Variants in ELAC1 observed in about 807,000 individuals in gnomAD.
ELAC1 encodes elaC ribonuclease Z 1.
A neutral mutation model predicts 25.8 loss-of-function variants in ELAC1; 19 were observed. The ratio of observed to expected loss-of-function variants is 0.74; its 90% CI spans 0.51 to 1.08. ELAC1 has a LOEUF of 1.08. Among genes scored for constraint, ELAC1 ranks in the 50% least tolerant of loss-of-function variants. ELAC1 has a pLI of 0.00. For synonymous variants in ELAC1, 148 were observed against 160.9 expected (o/e 0.92, Z 0.61); for missense variants, 403 against 434.6 (o/e 0.93, Z 0.65).
chr18:50,982,481 G>GCAT (rs1907978595), intron 2 of ELAC1, among the ~76,000 whole-genome samples: 2 of 152,132 alleles, frequency 1.3e-5, no homozygotes, highest in Non-Finnish European at 2.9e-5. Context: ...TACTTTTATA[G>GCAT]CATCAAACGT....
At chr18:50,974,309 C>G in intron 1 of ELAC1, 88 bp from the exon 2 acceptor site, 3 of 1,265,994 alleles carry the variant, frequency 2.4e-6, no homozygotes, top group Non-Finnish European at 2.1e-6. Context: ...TCTAAATAAC[C>G]AAAAAGTAAT....
intron 2 of ELAC1, among the ~76,000 whole-genome samples, chr18:50,975,741 G>T (rs1907783470): frequency 6.6e-6 from 1 of 152,016 alleles, no homozygotes; most frequent in Non-Finnish European, 1.5e-5. Context: ...GGGATCTCTT[G>T]GTCCAGTGAT....
chr18:50,971,268 G>A (rs1351597773), intron 1 of ELAC1, among the ~76,000 whole-genome samples: 2 of 152,106 alleles, frequency 1.3e-5, no homozygotes, highest in Admixed American at 6.5e-5. Context: ...AAGCCTAATC[G>A]CAATTCATAA....
chr18:50,980,389 CAAAAT>C (rs1180712911), intron 2 of ELAC1, among the ~76,000 whole-genome samples: 1 of 151,840 alleles, frequency 6.6e-6, no homozygotes, highest in Non-Finnish European at 1.5e-5. Flanking sequence ...AAACCCAAAA[CAAAAT>C]AAAAGAAAAC....
intron 2 of ELAC1, among the ~76,000 whole-genome samples, chr18:50,976,151 C>A (rs1225141444): frequency 6.6e-6 from 1 of 152,118 alleles, no homozygotes; most frequent in Non-Finnish European, 1.5e-5. Flanking sequence ...GAAAAAGGAA[C>A]CATTCATGTT....
intron 2 of ELAC1, among the ~76,000 whole-genome samples, 162 bp from the exon 3 acceptor site, chr18:50,983,934 C>T (rs1482712120): frequency 5.3e-5 from 8 of 151,848 alleles, no homozygotes; most frequent in African/African-American, 1.9e-4. Context: ...TTTTTGGAAT[C>T]ATGTAGCAAA....
Position 50,974,497 on chromosome 18 carries a change from G to C in ELAC1, c.93G>C (p.Glu31Asp). 6.2e-7 allele frequency: 1 copy of C among 1,612,700 alleles called. No individual in the cohort carries two copies. The highest frequency in any genetic ancestry group is 1.1e-5 in the South Asian group (1 of 90,948). Reference protein sequence around the residue: ...ASAVVLRCEGECWLFDCGEGT... With the variant: ...ASAVVLRCEGDCWLFDCGEGT... ...CTGTGGTCCTTCGGTGTGAAGGCGAGTGCTGGCTCTTTGACTGTGGGGAGG... is the reference window on the plus strand; with the variant it reads ...CTGTGGTCCTTCGGTGTGAAGGCGACTGCTGGCTCTTTGACTGTGGGGAGG... Residue 31 changes from glutamate to aspartate, a missense_variant, in exon 2 of 4, where the codon GAG becomes GAC. Transcript: ENST00000269466.
chr18:50,980,499 T>C (rs760389939), intron 2 of ELAC1, among the ~76,000 whole-genome samples: 1 of 152,018 alleles, frequency 6.6e-6, no homozygotes, highest in Non-Finnish European at 1.5e-5. Context: ...GCATGGTGGC[T>C]CATGCCTGTA....
In ELAC1 at chr18:50,984,482, C is replaced by G. The variant is rs1204628452; in HGVS notation, c.544C>G (p.His182Asp). The G allele has an allele frequency of 6.2e-7, 1 of 1,614,216 alleles. No homozygotes were observed. Among genetic ancestry groups the G allele is most frequent in the East Asian group, 2.2e-5 (1 of 44,890 alleles). Residue 182 changes from histidine to aspartate, a missense_variant, in exon 3 of 4, where the codon CAC becomes GAC. Physicochemically the swap from His to Asp is moderately conservative, Grantham distance 81. Coordinates refer to ENST00000269466, the MANE Select transcript of ELAC1 (RefSeq NM_018696.3). The part of the protein sequence containing the change: ...QFVVKAFRLF[H>D]RIPSFGFSVV... Reference sequence around the variant, plus strand: ...TGTTGTAAAAGCATTTCGCCTCTTTCACAGAATTCCCTCATTTGGGTTTTC... The same window carrying G: ...TGTTGTAAAAGCATTTCGCCTCTTTGACAGAATTCCCTCATTTGGGTTTTC...
chr18:50,974,817 C>T (rs942987254), intron 2 of ELAC1, among the ~76,000 whole-genome samples: 4 of 152,212 alleles, frequency 2.6e-5, no homozygotes, highest in South Asian at 2.1e-4. Flanking sequence ...TGGGAAATGT[C>T]GTGGGATACA....
At chr18:50,979,403 T>A (rs1009830189) in intron 2 of ELAC1, among the ~76,000 whole-genome samples, 5 of 152,180 alleles carry the variant, frequency 3.3e-5, no homozygotes, top group African/African-American at 9.7e-5. Context: ...GGCAGAACCC[T>A]TACAGTGGTA....
intron 1 of ELAC1, among the ~76,000 whole-genome samples, chr18:50,972,673 G>T (rs1298892656): frequency 6.6e-6 from 1 of 152,136 alleles, no homozygotes; most frequent in African/African-American, 2.4e-5. Context: ...AGTAGAGACA[G>T]GGTTTCACCA....
chr18:50,977,358 G>A (rs1260148578), intron 2 of ELAC1, among the ~76,000 whole-genome samples: 1 of 152,214 alleles, frequency 6.6e-6, no homozygotes, highest in Admixed American at 6.5e-5. Flanking sequence ...TGAAATCTAG[G>A]TGGAGGTTCC....
chr18:50,976,222 G>A (rs1456321344), intron 2 of ELAC1, among the ~76,000 whole-genome samples: 1 of 152,198 alleles, frequency 6.6e-6, no homozygotes, highest in Non-Finnish European at 1.5e-5. Context: ...GATGGCACAT[G>A]TATTGGGAGA....
At chr18:50,977,492 C>A (rs771133546) in intron 2 of ELAC1, among the ~76,000 whole-genome samples, 3 of 152,228 alleles carry the variant, frequency 2.0e-5, no homozygotes, top group Non-Finnish European at 2.9e-5. Context: ...TTAAGCCACA[C>A]TGGGATGCAG....
chr18:50,972,288 A>G (rs1294011740), intron 1 of ELAC1, among the ~76,000 whole-genome samples: 15 of 152,170 alleles, frequency 9.9e-5, no homozygotes, highest in Admixed American at 9.8e-4. Flanking sequence ...TATACAATGC[A>G]AAGTGAGCAT....
rs1908160478 is a variant in ELAC1, at chr18:50,988,063, T to C, written c.*978T>C. 1 of 152,202 alleles carries C rather than the reference T, an allele frequency of 6.6e-6. No homozygotes were observed. Among genetic ancestry groups the C allele is most frequent in the South Asian group, 2.1e-4 (1 of 4,836 alleles). 9.4% of individuals were successfully genotyped at this position (152,202 alleles called of 1,614,324 possible). ...TGAACCTGGAGGTAAAAAATGCTTA[T>C]CTGTTAAACTGAGGTTTCATTGACG... On this transcript the variant is annotated 3_prime_UTR_variant, in exon 4 of 4. Coordinates refer to ENST00000269466, the MANE Select transcript of ELAC1 (RefSeq NM_018696.3).
At position 50,986,957 on chromosome 18, in the gene ELAC1, G is replaced by T. The variant is rs779499222; in HGVS notation, c.964G>T (p.Ala322Ser). The change falls in exon 4 of 4, where the codon GCC (alanine) becomes TCC (serine). Residue 322 changes from alanine to serine, a missense_variant. Physicochemically the swap from Ala to Ser is moderately conservative, Grantham distance 99. Coordinates refer to ENST00000269466, the MANE Select transcript of ELAC1 (RefSeq NM_018696.3). ...CTTCAGTCAGAGGTACAAACCAGTT[G>T]CCTTGGCCAGAGAAGGAGAAACAGA... ...THFSQRYKPV[A>S]LAREGETDGI... 1 of 1,614,020 alleles carries T rather than the reference G, an allele frequency of 6.2e-7. No homozygotes were observed. The highest frequency in any genetic ancestry group is 1.7e-5 in the Admixed American group (1 of 59,974).
chr18:50,979,989 C>A (rs1907900151), intron 2 of ELAC1, among the ~76,000 whole-genome samples: 1 of 152,158 alleles, frequency 6.6e-6, no homozygotes, highest in Non-Finnish European at 1.5e-5. Flanking sequence ...CCTTGTCCTC[C>A]CAAAGTGCTA....
Sources: allele counts gnomAD v4.1 joint callset (sites outside exome capture counted in the v4.1 genomes callset), GRCh38; gene constraint gnomAD v4.1.1; transcripts MANE v1.5; gene names NCBI Gene and HGNC (gene_info 2026-07-23, HGNC 2026-07-21).